SSPN: variants seen among roughly 807,000 people sequenced by gnomAD.
SSPN encodes sarcospan, also known as K-ras oncogene-associated protein.
Under a neutral mutation model 19.1 loss-of-function variants are expected in SSPN, and 15 were observed. That is an observed-to-expected ratio of 0.78 (90% CI 0.52 to 1.21). The LOEUF (loss-of-function observed/expected upper bound fraction) is 1.21, where lower values mean the gene tolerates loss of function less well. Among genes scored for constraint, SSPN ranks in the 50% most tolerant of loss-of-function variants. SSPN has a pLI of 0.00. For missense variants in SSPN, 291 were observed against 314.0 expected (o/e 0.93, Z 0.55); for synonymous variants, 147 against 140.3 (o/e 1.05, Z -0.34).
intron 1 of SSPN, among the ~76,000 whole-genome samples, chr12:26,174,668 A>C (rs545235589): frequency 6.6e-6 from 1 of 151,988 alleles, no homozygotes; most frequent in Non-Finnish European, 1.5e-5. Flanking sequence ...CTACAGGTGC[A>C]TGCCACCACA....
intron 1 of SSPN, among the ~76,000 whole-genome samples, chr12:26,209,703 C>T (rs909110827): frequency 4.0e-5 from 6 of 151,098 alleles, no homozygotes; most frequent in African/African-American, 1.5e-4. Context: ...GTTTTCAGTT[C>T]CTTCCTTCAT....
intron 1 of SSPN, among the ~76,000 whole-genome samples, chr12:26,138,857 A>G (rs1192562206): frequency 6.6e-6 from 1 of 152,180 alleles, no homozygotes; most frequent in African/African-American, 2.4e-5. Context: ...TTTTAATTTT[A>G]CTGGAACTCA....
At chr12:26,123,258 C>G in intron 1 of SSPN, 1 of 1,438,684 alleles carries the variant, frequency 7.0e-7, no homozygotes, top group Non-Finnish European at 9.2e-7. Context: ...ATCACGTGGG[C>G]CCTGCATCGA....
At chr12:26,211,653 T>C (rs1274932628) in intron 1 of SSPN, 2 of 152,150 alleles carry the variant, frequency 1.3e-5, no homozygotes, top group African/African-American at 4.8e-5. Flanking sequence ...TCAGTTCCAT[T>C]GGGTGGTTTT....
In SSPN at chr12:26,123,673, G is replaced by A. The variant is rs755237237; in HGVS notation, c.-31+1521G>A. On this transcript the variant is annotated intron_variant, in intron 1 of 2. Coordinates refer to the SSPN transcript ENST00000538142. ...TCTTCTGATGCTGTTGCTCGGTTAAGGCGGTTAAAGCTTTTAAGTGTTTCA... is the reference window on the plus strand; with the variant it reads ...TCTTCTGATGCTGTTGCTCGGTTAAAGCGGTTAAAGCTTTTAAGTGTTTCA... The A allele has an allele frequency of 1.9e-6, 3 of 1,614,086 alleles. No homozygotes were observed. In the East Asian group the frequency reaches 6.7e-5, roughly 36 times the overall value.
At position 26,147,379 on chromosome 12, in the gene SSPN, C is replaced by G. The variant is rs577252696; in HGVS notation, c.-31+25227C>G. 9.9e-5 allele frequency among the ~76,000 whole-genome samples: 15 copies of G among 151,332 alleles called. No homozygotes were observed. In the East Asian group the frequency reaches 2.9e-3, roughly 30 times the overall value. Reference sequence around the variant, plus strand: ...CCTCCGCCTCCCGGTTCAAGTGATTCCCCTGCCTCAGCCTCCTGAGTAGCT... The same window carrying G: ...CCTCCGCCTCCCGGTTCAAGTGATTGCCCTGCCTCAGCCTCCTGAGTAGCT... On this transcript the variant is annotated intron_variant, in intron 1 of 2. Transcript: ENST00000538142.
rs1052388533 is a variant in SSPN, at chr12:26,182,246, G to C, written c.-30-42047G>C. Among the ~76,000 whole-genome samples, 6 of 152,152 alleles carry C rather than the reference G, an allele frequency of 3.9e-5. No individual in the cohort carries two copies. In the South Asian group the frequency reaches 6.2e-4, roughly 16 times the overall value. Reference sequence around the variant, plus strand: ...TCAGTCACTCAGTCATTCCATAGAGGTGTACTGAGCATTCACTATGGGGAG... The same window carrying C: ...TCAGTCACTCAGTCATTCCATAGAGCTGTACTGAGCATTCACTATGGGGAG... On this transcript the variant is annotated intron_variant, in intron 1 of 2. Coordinates refer to the SSPN transcript ENST00000538142.
At chr12:26,175,243 A>G (rs1420441651) in intron 1 of SSPN, among the ~76,000 whole-genome samples, 1 of 152,176 alleles carries the variant, frequency 6.6e-6, no homozygotes, top group Admixed American at 6.5e-5. Flanking sequence ...AGCTATTCCC[A>G]TACCTATGAA....
At chr12:26,190,770 A>T (rs1448881859), upstream of SSPN, among the ~76,000 whole-genome samples, 2 of 152,162 alleles carry the variant, frequency 1.3e-5, no homozygotes, top group African/African-American at 4.8e-5. Context: ...TTACACTTTT[A>T]AAAATTGAGA....
chr12:26,124,253 G>GCCTCCC, intron 1 of SSPN: 1 of 785,906 alleles, frequency 1.3e-6, no homozygotes, highest in Non-Finnish European at 2.1e-6. Flanking sequence ...ACCCTCGTCT[G>GCCTCCC]CCCCCCCCGC....
chr12:26,146,876 C>T (rs1440095770), intron 1 of SSPN, among the ~76,000 whole-genome samples: 1 of 143,636 alleles, frequency 7.0e-6, no homozygotes, highest in Non-Finnish European at 1.5e-5. Context: ...AAGCTTTAAA[C>T]TTTAAGATTT....
chr12:26,124,972 A>G (rs1200055865), intron 1 of SSPN: 3 of 661,582 alleles, frequency 4.5e-6, no homozygotes, highest in Non-Finnish European at 8.2e-6. Context: ...ACACACACGC[A>G]CACACACGCA....
chr12:26,230,368 A>T (rs372736361), intron 2 of SSPN, among the ~76,000 whole-genome samples: 38 of 152,336 alleles, frequency 2.5e-4, no homozygotes, highest in African/African-American at 8.4e-4. Flanking sequence ...TAAGCACAAC[A>T]TGTCATCCAG....
chr12:26,142,566 GTT>G (rs1944467095), intron 1 of SSPN, among the ~76,000 whole-genome samples: 1 of 152,306 alleles, frequency 6.6e-6, no homozygotes, highest in South Asian at 2.1e-4. Context: ...ACTGTGACAA[GTT>G]TGTGACGTAC....
At chr12:26,146,012 C>A (rs1481824579) in intron 1 of SSPN, among the ~76,000 whole-genome samples, 4 of 152,170 alleles carry the variant, frequency 2.6e-5, no homozygotes, top group African/African-American at 7.2e-5. Flanking sequence ...TGACATTGAC[C>A]TTTTGCTGTC....
intron 1 of SSPN, among the ~76,000 whole-genome samples, chr12:26,208,646 C>A (rs1323171296): frequency 2.0e-5 from 3 of 151,730 alleles, no homozygotes; most frequent in Non-Finnish European, 4.4e-5. Flanking sequence ...TTTCCCTACT[C>A]CAAGGCCATA....
intron 1 of SSPN, among the ~76,000 whole-genome samples, chr12:26,132,110 C>T (rs2137397509): frequency 6.6e-6 from 1 of 152,212 alleles, no homozygotes; most frequent in African/African-American, 2.4e-5. Flanking sequence ...AATTCTTAAC[C>T]CCATTCTAGC....
intron 1 of SSPN, among the ~76,000 whole-genome samples, chr12:26,171,423 G>A (rs1944652841): frequency 6.6e-6 from 1 of 152,128 alleles, no homozygotes; most frequent in African/African-American, 2.4e-5. Context: ...ACCCTTCTAG[G>A]GGGTTTACAA....
chr12:26,122,294 GGCGGCAGCGGCGGCGGCGGCTGCC>G, intron 1 of SSPN: 1 of 1,188,298 alleles, frequency 8.4e-7, no homozygotes, highest in Non-Finnish European at 1.0e-6. Flanking sequence ...CGGCGGCGGC[GGCGGCAGCGGCGGCGGCGGCTGCC>G]GCGGCTGCCG....
Sources: gnomAD v4.1 joint callset for allele counts (sites outside exome capture counted in the v4.1 genomes callset) on GRCh38, gnomAD v4.1.1 for gene constraint, MANE v1.5 for transcripts, NCBI Gene and HGNC (gene_info 2026-07-23, HGNC 2026-07-21) for gene names.